Variants in POLH observed in about 807,000 individuals in gnomAD.
The protein encoded by POLH is DNA polymerase eta.
In POLH, 53 loss-of-function variants were observed where a neutral mutation model predicts 73.6. The observed-to-expected ratio is 0.72, with a 90% CI of 0.58 to 0.91. The LOEUF (loss-of-function observed/expected upper bound fraction) is 0.91, where lower values mean the gene tolerates loss of function less well. Ranked by LOEUF, POLH falls within the 40% of genes least tolerant of loss-of-function variation. The probability of loss-of-function intolerance (pLI) is 0.00; values close to 1 mark genes in which losing one functional copy is unlikely to be tolerated. For missense variants in POLH, 768 were observed against 865.4 expected, an observed-to-expected ratio of 0.89 and a Z score of 1.41; for synonymous variants, 292 against 308.5, an observed-to-expected ratio of 0.95 and a Z score of 0.56.
intron 4 of POLH, among the ~76,000 whole-genome samples, chr6:43,589,704 G>A (rs755626025): frequency 1.8e-4 from 27 of 147,082 alleles, no homozygotes; most frequent in Admixed American, 1.8e-3. Context: ...GCTATCAGTC[G>A]CTATTCACAG....
At position 43,613,561 on chromosome 6, in the gene POLH, A is replaced by G. The variant is rs1441233638; in HGVS notation, c.1245-99A>G. On this transcript the variant is annotated intron_variant, in intron 10 of 10. Coordinates refer to ENST00000372236, the MANE Select transcript of POLH (RefSeq NM_006502.3). ...GTCATCTATGGATTAAATCTGTCCT[A>G]TGGTGAAATAAAACAGATACAATTC... 4.0e-6 allele frequency: 4 copies of G among 1,010,452 alleles called. No individual in the cohort carries two copies. In the African/African-American group the frequency reaches 4.8e-5, roughly 12 times the overall value. 62.6% of individuals were successfully genotyped at this position (1,010,452 alleles called of 1,614,324 possible).
chr6:43,620,449 C>A lies in POLH; in HGVS notation c.*5892C>A. On this transcript the variant is annotated 3_prime_UTR_variant, in exon 11 of 11. Coordinates refer to ENST00000372236, the MANE Select transcript of POLH (RefSeq NM_006502.3). The stretch of plus-strand genomic sequence containing the variant: ...CTCTAATCCTGAAGAGGTATCTAGC[C>A]CTGGAAGGAAGCTGAGCCTGTAGCT... 2.7e-6 allele frequency: 1 copy of A among 375,184 alleles called. No homozygotes were observed. 23.2% of individuals were successfully genotyped at this position (375,184 alleles called of 1,614,324 possible). A position where few individuals can be genotyped will look rare whatever the true frequency, so the allele number is the denominator to read the frequency against.
Position 43,582,435 on chromosome 6 carries a change from A to G in POLH, c.116A>G (p.Tyr39Cys), listed in dbSNP as rs751889218. The part of the protein sequence containing the change: ...LRNKPCAVVQ[Y>C]KSWKGGGIIA... ...AATAAACCTTGTGCAGTTGTACAGTACAAATCATGGAAGGGTGGTGGGTAT... is the reference window on the plus strand; with the variant it reads ...AATAAACCTTGTGCAGTTGTACAGTGCAAATCATGGAAGGGTGGTGGGTAT... The change falls in exon 2 of 11, where the codon TAC (tyrosine) becomes TGC (cysteine). Residue 39 changes from tyrosine to cysteine, a missense_variant. Physicochemically the swap from Tyr to Cys is radical, Grantham distance 194 (BLOSUM62 -2). Coordinates refer to ENST00000372236, the MANE Select transcript of POLH (RefSeq NM_006502.3). The G allele has an allele frequency of 4.3e-6, 7 of 1,613,994 alleles. No homozygotes were observed. Among genetic ancestry groups the G allele is most frequent in the African/African-American group, 4.0e-5 (3 of 74,922 alleles).
chr6:43,583,605 G>A (rs1262817544), intron 3 of POLH, among the ~76,000 whole-genome samples: 2 of 152,172 alleles, frequency 1.3e-5, no homozygotes, highest in African/African-American at 4.8e-5. Context: ...AATATTAGAA[G>A]TTTCACCTTG....
chr6:43,602,288 C>T (rs1278772896), intron 6 of POLH, among the ~76,000 whole-genome samples: 1 of 152,062 alleles, frequency 6.6e-6, no homozygotes, highest in Admixed American at 6.5e-5. Context: ...GTTGTGTGGC[C>T]TTGACAAGGA....
chr6:43,604,707 C>T lies in POLH; in HGVS notation c.977C>T (p.Pro326Leu). The T allele has an allele frequency of 1.9e-6, 3 of 1,614,090 alleles. No individual in the cohort carries two copies. The highest frequency in any genetic ancestry group is 1.1e-5 in the South Asian group (1 of 91,078). ...ACCATTGGCTGTAGTAAGAACTTCC[C>T]AGGAAAAACAGCTCTTGCTACTCGG... ...PKTIGCSKNF[P>L]GKTALATREQ... Residue 326 changes from proline (P) to leucine (L), a missense_variant, in exon 8 of 11, where the codon CCA becomes CTA. Transcript: ENST00000372236.
In POLH at chr6:43,604,032, A is replaced by T. The variant is rs2307465; in HGVS notation, c.884+21A>T. 8.0e-3 allele frequency: 12,740 copies of T among 1,599,860 alleles called. 507 individuals are homozygous for T. The African/African-American group carries it at 0.11, about 14-fold the overall frequency. ...AATGGGTAAGTGATTCATTTTTTTT[A>T]AAATCATAACCTTTATGGAGATGCT... On this transcript the variant is annotated intron_variant, in intron 7 of 10. Transcript: ENST00000372236.
At chr6:43,609,682 C>T (rs915274026) in intron 9 of POLH, among the ~76,000 whole-genome samples, 3 of 151,974 alleles carry the variant, frequency 2.0e-5, no homozygotes, top group Non-Finnish European at 1.5e-5. Flanking sequence ...GAATTGGTGG[C>T]GAATGTTTGT....
At chr6:43,606,487 G>A (rs1002186134) in intron 9 of POLH, among the ~76,000 whole-genome samples, 18 of 151,604 alleles carry the variant, frequency 1.2e-4, no homozygotes, top group Non-Finnish European at 2.4e-4. Context: ...GGAGTGCAGT[G>A]GAGCAATCTT....
At position 43,603,964 on chromosome 6, in the gene POLH, C is replaced by T. The variant is rs1316327135; in HGVS notation, c.837C>T (p.Thr279=). The stretch of plus-strand genomic sequence containing the variant: ...GGATAGAATACATGGGTGAACTGAC[C>T]CAGTTCACTGAATCCCAGCTCCAGA... ...ILGIEYMGEL[T]QFTESQLQSH... The change falls in exon 7 of 11, where the codon ACC becomes ACT. Residue 279 remains threonine, a synonymous_variant. Transcript: ENST00000372236. 6.2e-7 allele frequency: 1 copy of T among 1,608,712 alleles called. No homozygotes were observed. Among genetic ancestry groups the T allele is most frequent in the East Asian group, 2.2e-5 (1 of 44,834 alleles).
Position 43,587,462 on chromosome 6 carries a change from A to G in POLH, c.463A>G (p.Thr155Ala), listed in dbSNP as rs1764954375. Residue 155 changes from threonine (T) to alanine (A), a missense_variant, in exon 4 of 11, where the codon ACA (threonine) becomes GCA (alanine). Transcript: ENST00000372236. ...TYIEGLPQGPTTAEETVQKEG... is the reference protein window; with the variant it reads ...TYIEGLPQGPATAEETVQKEG... ...CATTGAAGGGTTGCCCCAAGGCCCT[A>G]CAACGGCAGAAGAGACTGTTCAGAA... 3 of 1,613,782 alleles carry G rather than the reference A, an allele frequency of 1.9e-6. No homozygotes were observed. The highest frequency in any genetic ancestry group is 1.7e-5 in the Admixed American group (1 of 60,008).
At chr6:43,586,216 C>T (rs1197834879) in intron 3 of POLH, among the ~76,000 whole-genome samples, 6 of 152,108 alleles carry the variant, frequency 3.9e-5, no homozygotes, top group African/African-American at 7.2e-5. Flanking sequence ...TGGTGGCTCA[C>T]GCCGGTAATC....
At chr6:43,597,962 G>A (rs1766277696) in intron 5 of POLH, 97 bp downstream of exon 5, 7 of 1,101,046 alleles carry the variant, frequency 6.4e-6, no homozygotes, top group Non-Finnish European at 8.3e-6. Context: ...CATAGGCCGG[G>A]TGCAGTTTCG....
At chr6:43,578,479 G>C (rs1460535614) in intron 1 of POLH, 1 of 431,376 alleles carries the variant, frequency 2.3e-6, no homozygotes, top group Non-Finnish European at 4.6e-6. Flanking sequence ...AATATCAGTA[G>C]TATTTAAAGC....
intron 4 of POLH, among the ~76,000 whole-genome samples, chr6:43,591,784 A>C (rs780713438): frequency 6.6e-6 from 1 of 152,210 alleles, no homozygotes; most frequent in Non-Finnish European, 1.5e-5. Flanking sequence ...ACAATTTTGC[A>C]TGCAGTTTTC....
chr6:43,599,284 C>T (rs1291817920), intron 5 of POLH, among the ~76,000 whole-genome samples: 4 of 152,030 alleles, frequency 2.6e-5, no homozygotes, highest in Non-Finnish European at 5.9e-5. Flanking sequence ...CCACCGCGCC[C>T]GGCCACGTGC....
intron 3 of POLH, among the ~76,000 whole-genome samples, chr6:43,585,525 A>G (rs986572565): frequency 1.3e-5 from 2 of 152,172 alleles, no homozygotes; most frequent in African/African-American, 4.8e-5. Context: ...GGTGATTCCA[A>G]GGATTTTTGG....
intron 1 of POLH, among the ~76,000 whole-genome samples, chr6:43,579,004 T>C (rs562080965): frequency 6.6e-6 from 1 of 152,340 alleles, no homozygotes; most frequent in Admixed American, 6.5e-5. Flanking sequence ...CTTCATAAAA[T>C]TGTACTAATT....
intron 4 of POLH, among the ~76,000 whole-genome samples, chr6:43,592,877 A>G (rs544097720): frequency 5.9e-5 from 9 of 151,504 alleles, no homozygotes; most frequent in African/African-American, 1.5e-4. Context: ...TTCTTAATTC[A>G]TTTCTTTATT....
Sources: gnomAD v4.1 joint callset for allele counts (sites outside exome capture counted in the v4.1 genomes callset) on GRCh38, gnomAD v4.1.1 for gene constraint, MANE v1.5 for transcripts, NCBI Gene and HGNC (gene_info 2026-07-23, HGNC 2026-07-21) for gene names.